SETD2: variants seen among roughly 807,000 people sequenced by gnomAD.
SETD2 encodes histone-lysine N-methyltransferase SETD2.
SETD2 carries 31 observed loss-of-function variants against 242.1 expected under a neutral mutation model. That is an observed-to-expected ratio of 0.13 (90% CI 0.10 to 0.17). The LOEUF (loss-of-function observed/expected upper bound fraction) is 0.17, where lower values mean the gene tolerates loss of function less well. SETD2 is among the 10% of genes least tolerant of loss of function. The pLI, the probability that SETD2 is intolerant of heterozygous loss-of-function variation, is 1.00. For missense variants in SETD2, 2,481 were observed against 3,046.3 expected (o/e 0.81, Z 4.37); for synonymous variants, 1,006 against 1,066.5 (o/e 0.94, Z 1.11).
In SETD2 at chr3:47,083,934, A is replaced by G; in HGVS notation, c.5846T>C (p.Leu1949Pro). The G allele has an allele frequency of 6.2e-7, 1 of 1,614,140 alleles. No individual in the cohort carries two copies. The highest frequency in any genetic ancestry group is 8.5e-7 in the Non-Finnish European group (1 of 1,180,020). The change falls in exon 12 of 21, where the codon CTA becomes CCA. Residue 1949 changes from leucine to proline, a missense_variant. Leu to Pro is a moderately conservative substitution (Grantham distance 98). Around this residue, in one of 17 missense-constraint regions of SETD2, gnomAD observed 203 missense variants for 222.4 expected, o/e 0.91. Transcript: ENST00000409792. ...GTCAGCTTCTGGTTCAGATGTAGGT[A>G]GCTTACTAGCTTCTATGTTGGTTTC... ...DSETNIEASK[L>P]PTSEPEADAE...
At chr3:47,147,917 CAA>C (rs547475994) in intron 1 of SETD2, among the ~76,000 whole-genome samples, 14 of 52,128 alleles carry the variant, frequency 2.7e-4, no homozygotes, top group Non-Finnish European at 2.4e-4. Context: ...GACTCTGTCT[CAA>C]AAAAAAAAAA....
chr3:47,057,524 C>T (rs781710477), intron 14 of SETD2, 34 bp from the exon 15 acceptor site: 13 of 1,529,712 alleles, frequency 8.5e-6, no homozygotes, highest in Non-Finnish European at 1.2e-5. Flanking sequence ...AAAAGTTGCT[C>T]CCTAAATCAT....
At chr3:47,032,710 G>A (rs562552152) in intron 18 of SETD2, among the ~76,000 whole-genome samples, 10 of 151,982 alleles carry the variant, frequency 6.6e-5, no homozygotes, top group Non-Finnish European at 1.2e-4. Flanking sequence ...TCAGGAGTTC[G>A]AGACCAGCCT....
chr3:47,156,481 T>C (rs1213294597), intron 1 of SETD2, among the ~76,000 whole-genome samples: 2 of 152,070 alleles, frequency 1.3e-5, no homozygotes, highest in East Asian at 1.9e-4. Flanking sequence ...AAAGACATAA[T>C]GTGTCAATAA....
intron 18 of SETD2, among the ~76,000 whole-genome samples, chr3:47,035,359 G>A (rs1455814959): frequency 6.6e-6 from 1 of 152,162 alleles, no homozygotes; most frequent in Non-Finnish European, 1.5e-5. Context: ...CCTTGTAAAA[G>A]GCAAATGTTA....
rs2043195012 is a variant in SETD2 at position 47,123,503 on chromosome 3, A to C, written c.1133T>G (p.Phe378Cys). ...RSKTDRDDKY[F>C]SYSKLERDTR... ...ATCTCTTTCAAGTTTTGAATAGCTAAAATATTTATCATCTCTGTCTGTTTT... is the reference window on the plus strand; with the variant it reads ...ATCTCTTTCAAGTTTTGAATAGCTACAATATTTATCATCTCTGTCTGTTTT... Residue 378 changes from phenylalanine (F) to cysteine (C), a missense_variant, in exon 3 of 21, where the codon TTT becomes TGT. Physicochemically the swap from Phe to Cys is radical, Grantham distance 205. Around this residue, in one of 17 missense-constraint regions of SETD2, gnomAD observed 1,300 missense variants for 1,259.2 expected, o/e 1.03. Coordinates refer to ENST00000409792, the MANE Select transcript of SETD2 (RefSeq NM_014159.7). 15 of 1,551,096 alleles carry C rather than the reference A, an allele frequency of 9.7e-6. No individual in the cohort carries two copies. Among genetic ancestry groups the C allele is most frequent in the Non-Finnish European group, 1.3e-5 (15 of 1,146,968 alleles).
chr3:47,049,002 C>T (rs922816205), intron 15 of SETD2, among the ~76,000 whole-genome samples: 17 of 151,836 alleles, frequency 1.1e-4, no homozygotes, highest in Admixed American at 2.0e-4. Context: ...TTCTGTCACC[C>T]AGGCTGGAAT....
intron 1 of SETD2, among the ~76,000 whole-genome samples, chr3:47,157,781 G>A (rs2044159208): frequency 6.6e-6 from 1 of 151,342 alleles, no homozygotes; most frequent in African/African-American, 2.4e-5. Flanking sequence ...GCTGAGGCAA[G>A]AGAACTGCTT....
chr3:47,128,995 T>A (rs1559755362), intron 1 of SETD2, among the ~76,000 whole-genome samples: 1 of 152,150 alleles, frequency 6.6e-6, no homozygotes, highest in Non-Finnish European at 1.5e-5. Context: ...AACACTTTCT[T>A]AAGCCTCAGC....
At chr3:47,083,260 T>C (rs755026974) in intron 12 of SETD2, among the ~76,000 whole-genome samples, 6 of 152,210 alleles carry the variant, frequency 3.9e-5, no homozygotes, top group Non-Finnish European at 8.8e-5. Context: ...TACGAACTAG[T>C]TCCATAAAGT....
rs2106696831 is a variant in SETD2, at chr3:47,123,162, C to G, written c.1474G>C (p.Asp492His). Residue 492 changes from aspartate (D) to histidine (H), a missense_variant, in exon 3 of 21, where the codon GAT becomes CAT. By Grantham distance (81) the Asp-to-His change is moderately conservative (BLOSUM62 -1). This residue lies in a region of SETD2 where 1,300 missense variants were observed against 1,259.2 expected (regional missense o/e 1.03). Transcript: ENST00000409792. ...GAGGTCTCAGTTTTACAGTCCCGAT[C>G]AGATTTAGAATAGGATGATGTCCTT... is the stretch of plus-strand genomic sequence containing the variant. ...DLRTSSYSKS[D>H]RDCKTETSYL... 6.2e-7 allele frequency: 1 copy of G among 1,610,748 alleles called. No individual in the cohort carries two copies. The highest frequency in any genetic ancestry group is 1.3e-5 in the African/African-American group (1 of 74,954).
intron 1 of SETD2, among the ~76,000 whole-genome samples, chr3:47,133,664 C>G (rs917062819): frequency 2.0e-5 from 3 of 152,102 alleles, no homozygotes; most frequent in Admixed American, 6.6e-5. Context: ...ACCCAGGAGG[C>G]AGAGGTTGCA....
intron 18 of SETD2, among the ~76,000 whole-genome samples, chr3:47,022,234 A>ACAC: frequency 1.3e-5 from 1 of 79,528 alleles, no homozygotes; most frequent in South Asian, 3.9e-4. Context: ...CACACACACA[A>ACAC]ATTTAGCACG....
intron 8 of SETD2, among the ~76,000 whole-genome samples, chr3:47,099,392 G>A (rs2042122136): frequency 6.6e-6 from 1 of 152,168 alleles, no homozygotes; most frequent in East Asian, 1.9e-4. Context: ...TATTTTAATT[G>A]TACTGGTTTC....
At chr3:47,055,556 G>T (rs2040018872) in intron 15 of SETD2, among the ~76,000 whole-genome samples, 1 of 151,834 alleles carries the variant, frequency 6.6e-6, no homozygotes, top group Non-Finnish European at 1.5e-5. Flanking sequence ...AAAATTAGCA[G>T]GGTACAGTGA....
At position 47,086,236 on chromosome 3, in the gene SETD2, G is replaced by A. The variant is rs2107645794; in HGVS notation, c.5356C>T (p.Leu1786=). The change falls in exon 11 of 21, where the codon CTA becomes TTA. Residue 1786 remains leucine, a synonymous_variant. Coordinates refer to ENST00000409792, the MANE Select transcript of SETD2 (RefSeq NM_014159.7). ...TGGTTACTTTCCCGGCCGTCACCTAGCTCTGCCATCCAGATCCACAACAAA... is the reference window on the plus strand; with the variant it reads ...TGGTTACTTTCCCGGCCGTCACCTAACTCTGCCATCCAGATCCACAACAAA... ...LSLLWIWMAE[L]GDGRESNQKL... 1 of 1,613,334 alleles carries A rather than the reference G, an allele frequency of 6.2e-7. No individual in the cohort carries two copies. The highest frequency in any genetic ancestry group is 8.5e-7 in the Non-Finnish European group (1 of 1,179,492).
intron 11 of SETD2, among the ~76,000 whole-genome samples, chr3:47,085,829 C>A (rs2041529885): frequency 6.6e-6 from 1 of 152,164 alleles, no homozygotes; most frequent in Non-Finnish European, 1.5e-5. Flanking sequence ...CAGATCTTTA[C>A]CAATTCTTTA....
In SETD2 at chr3:47,122,404, G is replaced by A. The variant is rs2106677593; in HGVS notation, c.2232C>T (p.Ser744=). 6.2e-7 allele frequency: 1 copy of A among 1,614,036 alleles called. No individual in the cohort carries two copies. Among genetic ancestry groups the A allele is most frequent in the Non-Finnish European group, 8.5e-7 (1 of 1,179,994 alleles). ...DTCMLHKKSE[S]PFRETEPLVS... ...CCAGAGGTTCTGTTTCTCTAAATGG[G>A]CTTTCTGACTTCTTATGCAGCATGC... Residue 744 remains serine, a synonymous_variant, in exon 3 of 21, where the codon AGC becomes AGT. Transcript: ENST00000409792.
intron 1 of SETD2, among the ~76,000 whole-genome samples, chr3:47,134,590 C>A (rs1013910076): frequency 6.6e-6 from 1 of 151,770 alleles, no homozygotes; most frequent in Non-Finnish European, 1.5e-5. Context: ...TACATCAGAA[C>A]GTATCTCAGT....
Sources: allele counts gnomAD v4.1 joint callset (sites outside exome capture counted in the v4.1 genomes callset), GRCh38; gene constraint gnomAD v4.1.1; regional missense constraint gnomAD v4.1.1; transcripts MANE v1.5; gene names NCBI Gene and HGNC (gene_info 2026-07-23, HGNC 2026-07-21).